The following PCSK5 variants were observed in gnomAD, a reference collection of about 807,000 sequenced individuals.
PCSK5 encodes the protein proprotein convertase subtilisin/kexin type 5.
A neutral mutation model predicts 233.2 loss-of-function variants in PCSK5; 129 were observed. The observed-to-expected ratio is 0.55, with a 90% confidence interval of 0.48 to 0.64. The LOEUF (loss-of-function observed/expected upper bound fraction) is 0.64. Among genes scored for constraint, PCSK5 ranks in the 30% least tolerant of loss-of-function variants. PCSK5 has a pLI of 0.00. For synonymous variants in PCSK5, 825 were observed against 879.2 expected, an observed-to-expected ratio of 0.94 and a Z score of 1.09; for missense variants, 2,076 against 2,430.1, an observed-to-expected ratio of 0.85 and a Z score of 3.06.
At chr9:76,054,511 T>C (rs779817378) in intron 5 of PCSK5, among the ~76,000 whole-genome samples, 1 of 152,152 alleles carries the variant, frequency 6.6e-6, no homozygotes, top group Non-Finnish European at 1.5e-5. Flanking sequence ...AAATAACAGG[T>C]AAGAAAACAC....
chr9:76,257,381 T>C (rs1217555232), intron 24 of PCSK5, among the ~76,000 whole-genome samples: 1 of 152,192 alleles, frequency 6.6e-6, no homozygotes, highest in Non-Finnish European at 1.5e-5. Flanking sequence ...AGCATCTGCA[T>C]GTTGATACCC....
At chr9:75,968,724 C>T (rs1353109215) in intron 2 of PCSK5, among the ~76,000 whole-genome samples, 1 of 152,176 alleles carries the variant, frequency 6.6e-6, no homozygotes, top group African/African-American at 2.4e-5. Flanking sequence ...AGAAAATGAG[C>T]ATCTAAGTTA....
chr9:76,256,599 C>A (rs1163136906), intron 24 of PCSK5, among the ~76,000 whole-genome samples: 1 of 152,202 alleles, frequency 6.6e-6, no homozygotes. Context: ...GGAATAATAA[C>A]CTGGAAAATC....
intron 5 of PCSK5, among the ~76,000 whole-genome samples, chr9:76,052,381 C>T (rs1305688608): frequency 6.6e-6 from 1 of 152,130 alleles, no homozygotes; most frequent in Admixed American, 6.5e-5. Context: ...TTCCACATGG[C>T]CGGGAAGACC....
intron 10 of PCSK5, among the ~76,000 whole-genome samples, chr9:76,148,025 G>A (rs541025876): frequency 1.3e-5 from 2 of 151,888 alleles, no homozygotes; most frequent in African/African-American, 2.4e-5. Flanking sequence ...AATTAGCTGC[G>A]TCCATTTCCT....
chr9:76,276,894 T>C (rs1485278542), intron 24 of PCSK5, among the ~76,000 whole-genome samples: 1 of 152,194 alleles, frequency 6.6e-6, no homozygotes, highest in Non-Finnish European at 1.5e-5. Flanking sequence ...GTTTGCTTCA[T>C]GCATTTATTG....
intron 13 of PCSK5, among the ~76,000 whole-genome samples, chr9:76,174,402 G>T (rs1440990445): frequency 6.6e-6 from 1 of 151,904 alleles, no homozygotes; most frequent in Non-Finnish European, 1.5e-5. Flanking sequence ...CGCCTCCCAG[G>T]TTCAAGGGAT....
At chr9:76,077,406 C>A (rs1033952985) in intron 7 of PCSK5, among the ~76,000 whole-genome samples, 7 of 152,144 alleles carry the variant, frequency 4.6e-5, no homozygotes, top group African/African-American at 1.7e-4. Context: ...GAGACTCCTT[C>A]TTTGGTCTTT....
chr9:76,279,023 T>C (rs1456117082), intron 24 of PCSK5, among the ~76,000 whole-genome samples: 3 of 150,658 alleles, frequency 2.0e-5, no homozygotes, highest in African/African-American at 7.4e-5. Flanking sequence ...TAACTCGTCA[T>C]CTAGCATTAG....
At chr9:76,187,134 G>A (rs1337320825) in intron 17 of PCSK5, among the ~76,000 whole-genome samples, 1 of 151,984 alleles carries the variant, frequency 6.6e-6, no homozygotes. Context: ...ATTTTTTTAA[G>A]AGCATAGGGA....
At chr9:76,277,533 T>C (rs1827732325) in intron 24 of PCSK5, among the ~76,000 whole-genome samples, 1 of 152,224 alleles carries the variant, frequency 6.6e-6, no homozygotes, top group Admixed American at 6.5e-5. Context: ...TTCAATTACT[T>C]ATTCCAGTCT....
At position 76,181,550 on chromosome 9, in the gene PCSK5, G is replaced by A; in HGVS notation, c.2156G>A (p.Ser719Asn). Reference protein sequence around the residue: ...YGYFLNEETNSCVTHCPDGSY... With the variant: ...YGYFLNEETNNCVTHCPDGSY... ...TACTTTCTGAATGAAGAAACCAACA[G>A]CTGTGTTACTCACTGCCCTGATGGG... is the stretch of plus-strand genomic sequence containing the variant. The change falls in exon 16 of 38, where the codon AGC becomes AAC. Residue 719 changes from serine to asparagine, a missense_variant. By Grantham distance (46) the Ser-to-Asn change is conservative. Around this residue, in one of 6 missense-constraint regions of PCSK5, gnomAD observed 1,510 missense variants for 1,538.1 expected, o/e 0.98. Coordinates refer to ENST00000674117, the MANE Select transcript of PCSK5 (RefSeq NM_001372043.1). 6.2e-7 allele frequency: 1 copy of A among 1,613,910 alleles called. No homozygotes were observed. Among genetic ancestry groups the A allele is most frequent in the Non-Finnish European group, 8.5e-7 (1 of 1,179,846 alleles).
At chr9:76,248,082 C>A (rs2131340562) in intron 24 of PCSK5, among the ~76,000 whole-genome samples, 1 of 152,274 alleles carries the variant, frequency 6.6e-6, no homozygotes, top group East Asian at 1.9e-4. Flanking sequence ...CCGCTCCCGA[C>A]CTTAATCTTT....
chr9:75,946,934 G>A (rs1056135745), intron 2 of PCSK5, among the ~76,000 whole-genome samples: 2 of 152,146 alleles, frequency 1.3e-5, no homozygotes, highest in Non-Finnish European at 2.9e-5. Flanking sequence ...CCCAGATACT[G>A]TTTTGCCTTA....
intron 1 of PCSK5, among the ~76,000 whole-genome samples, chr9:75,924,357 TA>T (rs796386741): frequency 2.6e-5 from 4 of 151,398 alleles, no homozygotes; most frequent in East Asian, 1.9e-4. Context: ...AACTAAAGTC[TA>T]AAAAAAAATA....
At chr9:76,107,206 C>T in intron 8 of PCSK5, 45 bp from the exon 9 acceptor site, 1 of 1,216,252 alleles carries the variant, frequency 8.2e-7, no homozygotes, top group Non-Finnish European at 1.2e-6. Flanking sequence ...TTGCAGGTGA[C>T]TCACATTGGC....
At chr9:75,931,569 C>T (rs1303303235) in intron 1 of PCSK5, among the ~76,000 whole-genome samples, 1 of 152,136 alleles carries the variant, frequency 6.6e-6, no homozygotes, top group African/African-American at 2.4e-5. Context: ...AATTTTCATT[C>T]TATGATCCAC....
intron 24 of PCSK5, among the ~76,000 whole-genome samples, chr9:76,275,297 T>C (rs1218022130): frequency 1.3e-5 from 2 of 152,162 alleles, no homozygotes; most frequent in South Asian, 2.1e-4. Context: ...AATCCATGTG[T>C]TCCTATCCCA....
chr9:76,088,067 A>T (rs1411387687), intron 7 of PCSK5, among the ~76,000 whole-genome samples: 1 of 152,230 alleles, frequency 6.6e-6, no homozygotes, highest in Non-Finnish European at 1.5e-5. Context: ...ACTCCCATAC[A>T]GTGTTGTCTG....
Sources: allele counts gnomAD v4.1 joint callset (sites outside exome capture counted in the v4.1 genomes callset), GRCh38; gene constraint gnomAD v4.1.1; regional missense constraint gnomAD v4.1.1; transcripts MANE v1.5; gene names NCBI Gene and HGNC (gene_info 2026-07-23, HGNC 2026-07-21).